The following HSD17B4 variants were observed in gnomAD, a reference collection of about 807,000 sequenced individuals.
The protein encoded by HSD17B4 is hydroxysteroid 17-beta dehydrogenase 4, also known as peroxisomal multifunctional enzyme type 2.
Under a neutral mutation model 101.0 loss-of-function variants are expected in HSD17B4, and 70 were observed. That is an observed-to-expected ratio of 0.69 (90% CI 0.57 to 0.85). The LOEUF (loss-of-function observed/expected upper bound fraction) is 0.85. Among genes scored for constraint, HSD17B4 ranks in the 40% least tolerant of loss-of-function variants. The pLI is 0.00. For missense variants in HSD17B4, 984 were observed against 892.4 expected (o/e 1.10, Z -1.31); for synonymous variants, 347 against 297.1 (o/e 1.17, Z -1.73).
chr5:119,527,250 A>G (rs745966126), intron 20 of HSD17B4, 31 bp downstream of exon 20: 44 of 1,172,382 alleles, frequency 3.8e-5, no homozygotes, highest in Non-Finnish European at 5.5e-5. Context: ...CCCTTCTCAC[A>G]TGCTTTATCA....
chr5:119,489,548 T>G (rs1382982489), intron 9 of HSD17B4, among the ~76,000 whole-genome samples: 1 of 152,162 alleles, frequency 6.6e-6, no homozygotes, highest in Non-Finnish European at 1.5e-5. Flanking sequence ...TTTCATTATT[T>G]AAGAAGCTGA....
In HSD17B4 at chr5:119,511,006, A is replaced by G. The variant is rs539925140; in HGVS notation, c.1437+1762A>G. 7.2e-5 allele frequency among the ~76,000 whole-genome samples: 11 copies of G among 152,266 alleles called. No individual in the cohort carries two copies. The East Asian group carries it at 2.1e-3, about 29-fold the overall frequency. ...GCAGGTTGAGAATACTGGGGCCCTGATTGCACTTGCCCTAGCTTTCCCGTA... is the reference window on the plus strand; with the variant it reads ...GCAGGTTGAGAATACTGGGGCCCTGGTTGCACTTGCCCTAGCTTTCCCGTA... On this transcript the variant is annotated intron_variant, in intron 16 of 23. Transcript: ENST00000510025.
At chr5:119,461,050 G>A (rs1453100068) in intron 2 of HSD17B4, among the ~76,000 whole-genome samples, 1 of 152,094 alleles carries the variant, frequency 6.6e-6, no homozygotes, top group Admixed American at 6.6e-5. Flanking sequence ...GTCCTAGAAG[G>A]CCAGATCACA....
rs953998240 is a variant in HSD17B4, at chr5:119,455,317, G to A, written c.59-998G>A. Among the ~76,000 whole-genome samples, 6 of 152,136 alleles carry A rather than the reference G, an allele frequency of 3.9e-5. No homozygotes were observed. In the South Asian group the frequency reaches 6.2e-4, roughly 16 times the overall value. The stretch of plus-strand genomic sequence containing the variant: ...GCTGATCACGAGGTCAAGAGATCGA[G>A]ACCATCCTGGCCAACATGGTGAAAC... On this transcript the variant is annotated intron_variant, in intron 1 of 23. Transcript: ENST00000510025.
chr5:119,477,949 C>G, intron 7 of HSD17B4: 1 of 177,560 alleles, frequency 5.6e-6, no homozygotes, highest in East Asian at 1.5e-4. Context: ...GACAGTATCT[C>G]GTTTTGTTGC....
At chr5:119,457,249 C>A (rs1203397522) in intron 2 of HSD17B4, among the ~76,000 whole-genome samples, 1 of 152,124 alleles carries the variant, frequency 6.6e-6, no homozygotes, top group African/African-American at 2.4e-5. Flanking sequence ...AGCATATTTC[C>A]TGGGATAAAA....
intron 11 of HSD17B4, among the ~76,000 whole-genome samples, chr5:119,494,638 C>T (rs1368130330): frequency 1.3e-5 from 2 of 152,086 alleles, no homozygotes; most frequent in African/African-American, 2.4e-5. Flanking sequence ...GCTCCTACCA[C>T]TTGAGCATCT....
At position 119,529,955 on chromosome 5, in the gene HSD17B4, G is replaced by T. The variant is rs760213706; in HGVS notation, c.1829G>T (p.Gly610Val). 6.2e-7 allele frequency: 1 copy of T among 1,607,668 alleles called. No individual in the cohort carries two copies. Among genetic ancestry groups the T allele is most frequent in the East Asian group, 2.2e-5 (1 of 44,774 alleles). The part of the protein sequence containing the change: ...NAYVDLAPTS[G>V]TSAKTPSEGG... Reference sequence around the variant, plus strand: ...TATGTGGATCTTGCACCAACATCTGGTACTTCAGCTAAGACACCCTCTGAG... The same window carrying T: ...TATGTGGATCTTGCACCAACATCTGTTACTTCAGCTAAGACACCCTCTGAG... Residue 610 changes from glycine (G) to valine (V), a missense_variant, in exon 21 of 24, where the codon GGT becomes GTT. By Grantham distance (109) the Gly-to-Val change is moderately radical. Transcript: ENST00000510025.
chr5:119,506,954 C>T (rs1329256141), intron 15 of HSD17B4, 65 bp downstream of exon 15: 3 of 817,186 alleles, frequency 3.7e-6, no homozygotes, highest in Non-Finnish European at 6.2e-6. Flanking sequence ...TGACATAATA[C>T]TTCACCATAG....
intron 2 of HSD17B4, among the ~76,000 whole-genome samples, chr5:119,463,719 G>A (rs1374472702): frequency 8.0e-6 from 1 of 124,976 alleles, no homozygotes; most frequent in Admixed American, 1.0e-4. Flanking sequence ...CCAGGCTAGA[G>A]TGCAAGTGGT....
intron 2 of HSD17B4, chr5:119,456,592 G>A (rs1580495090): frequency 1.9e-6 from 1 of 539,640 alleles, no homozygotes; most frequent in South Asian, 2.1e-5. Context: ...TGATAACGAA[G>A]GGCTAGGGGG....
chr5:119,478,951 A>C lies in HSD17B4; in HGVS notation c.552A>C (p.Lys184Asn). Residue 184 changes from lysine (K) to asparagine (N), a missense_variant, in exon 8 of 24, where the codon AAA becomes AAC. Physicochemically the swap from Lys to Asn is moderately conservative, Grantham distance 94. Transcript: ENST00000510025. Reference protein sequence around the residue: ...LANSLAIEGRKSNIHCNTIAP... With the variant: ...LANSLAIEGRNSNIHCNTIAP... ...ATTCTCTTGCAATTGAAGGCAGGAA[A>C]AGCAACATTCATTGTAACACCATTG... is the stretch of plus-strand genomic sequence containing the variant. 6.2e-7 allele frequency: 1 copy of C among 1,613,774 alleles called. No individual in the cohort carries two copies.
intron 11 of HSD17B4, 138 bp downstream of exon 11, chr5:119,494,084 T>A: frequency 1.2e-6 from 1 of 809,238 alleles, no homozygotes; most frequent in Non-Finnish European, 2.1e-6. Context: ...TCTGCTCTAG[T>A]AGGTATTAGA....
chr5:119,487,240 A>ATTTTTTTTTT (rs5870858), intron 8 of HSD17B4: 1 of 119,086 alleles, frequency 8.4e-6, no homozygotes, highest in Non-Finnish European at 1.7e-5. Flanking sequence ...ACTCTTTTCT[A>ATTTTTTTTTT]TTTTTTTTTT....
intron 3 of HSD17B4, 77 bp from the exon 4 acceptor site, chr5:119,474,324 T>C (rs1244421663): frequency 3.5e-6 from 3 of 867,152 alleles, no homozygotes; most frequent in Admixed American, 1.7e-5. Flanking sequence ...ATTTGTCGTG[T>C]ACTCTGACCC....
At chr5:119,476,956 T>G (rs1167631040) in intron 6 of HSD17B4, among the ~76,000 whole-genome samples, 2 of 152,252 alleles carry the variant, frequency 1.3e-5, no homozygotes, top group African/African-American at 2.4e-5. Flanking sequence ...TTGAAATTTG[T>G]GAAAACAGGC....
chr5:119,485,453 A>T (rs981144969), intron 8 of HSD17B4, among the ~76,000 whole-genome samples: 2 of 152,184 alleles, frequency 1.3e-5, no homozygotes, highest in Non-Finnish European at 2.9e-5. Context: ...TCTTCCACAA[A>T]GTAAGAAAGT....
intron 1 of HSD17B4, 124 bp downstream of exon 1, chr5:119,452,757 G>A (rs937301893): frequency 1.9e-6 from 3 of 1,582,888 alleles, no homozygotes; most frequent in Middle Eastern, 1.7e-4. Flanking sequence ...GAGGGGAATG[G>A]TTATTCTTGA....
intron 10 of HSD17B4, chr5:119,492,948 T>G (rs2126755086): frequency 1.3e-5 from 2 of 152,294 alleles, no homozygotes; most frequent in East Asian, 3.9e-4. Flanking sequence ...GGCATTGCTG[T>G]AGTAGTATAA....
Sources: allele counts gnomAD v4.1 joint callset (sites outside exome capture counted in the v4.1 genomes callset), GRCh38; gene constraint gnomAD v4.1.1; transcripts MANE v1.5; gene names NCBI Gene and HGNC (gene_info 2026-07-23, HGNC 2026-07-21).